Variants in CCDC85C observed in about 807,000 individuals in gnomAD.
The protein encoded by CCDC85C is coiled-coil domain containing 85C, also known as coiled-coil domain-containing protein 85C.
In CCDC85C, 18 loss-of-function variants were observed where a neutral mutation model predicts 38.3. That is an observed-to-expected ratio of 0.47 (90% CI 0.33 to 0.70). The LOEUF is 0.70. CCDC85C is among the 30% of genes least tolerant of loss of function. The pLI, the probability that CCDC85C is intolerant of heterozygous loss-of-function variation, is 0.03. For missense variants in CCDC85C, 566 were observed against 621.2 expected (o/e 0.91, Z 0.94); for synonymous variants, 264 against 293.8 (o/e 0.90, Z 1.04).
intron 3 of CCDC85C, among the ~76,000 whole-genome samples, chr14:99,517,931 G>A (rs1897251036): frequency 6.6e-6 from 1 of 152,200 alleles, no homozygotes; most frequent in Non-Finnish European, 1.5e-5. Flanking sequence ...GGCTTGGGAG[G>A]AACTTACAAG....
chr14:99,534,965 G>C (rs542515525), intron 2 of CCDC85C: 1 of 527,110 alleles, frequency 1.9e-6, no homozygotes, highest in East Asian at 3.3e-5. Context: ...AATGAGGAAC[G>C]TGCACTCTGC....
chr14:99,531,591 G>C (rs1316044951), intron 2 of CCDC85C, among the ~76,000 whole-genome samples: 3 of 124,158 alleles, frequency 2.4e-5, no homozygotes, highest in Non-Finnish European at 5.0e-5. Flanking sequence ...GGTGGGGGGG[G>C]GGGTGGGACC....
Position 99,597,134 on chromosome 14 carries a change from C to T in CCDC85C, c.793+6033G>A, listed in dbSNP as rs1046797666. On this transcript the variant is annotated intron_variant, in intron 1 of 5. Coordinates refer to ENST00000380243, the MANE Select transcript of CCDC85C (RefSeq NM_001144995.2). ...CCTCAGCTTCCACCCACTGCTCCCC[C>T]AGCCCAGCCCACACCACAGTGGTCA... is the stretch of plus-strand genomic sequence containing the variant. Among the ~76,000 whole-genome samples, 3 of 152,142 alleles carry T rather than the reference C, an allele frequency of 2.0e-5. No individual in the cohort carries two copies. The South Asian group carries it at 6.2e-4, about 31-fold the overall frequency.
rs61178615 is a variant in CCDC85C at position 99,560,792 on chromosome 14, G to A, written c.794-24704C>T. The stretch of plus-strand genomic sequence containing the variant: ...GAGTCGCAGAACACCAAGCGAGCAG[G>A]TTTGTTCATCAACAGCCACAGACCA... On this transcript the variant is annotated intron_variant, in intron 1 of 5. Coordinates refer to ENST00000380243, the MANE Select transcript of CCDC85C (RefSeq NM_001144995.2). Among the ~76,000 whole-genome samples, 835 of 152,356 alleles carry A rather than the reference G, an allele frequency of 5.5e-3. 11 individuals are homozygous for A. The highest frequency in any genetic ancestry group is 0.019 in the African/African-American group (794 of 41,596).
chr14:99,518,793 G>T (rs1897264937), intron 3 of CCDC85C, among the ~76,000 whole-genome samples: 1 of 152,222 alleles, frequency 6.6e-6, no homozygotes, highest in African/African-American at 2.4e-5. Flanking sequence ...ACAGGCAGGA[G>T]GGAAGCCAGG....
At chr14:99,561,793 G>A (rs958149897) in intron 1 of CCDC85C, among the ~76,000 whole-genome samples, 2 of 152,204 alleles carry the variant, frequency 1.3e-5, no homozygotes, top group African/African-American at 4.8e-5. Context: ...GAGGAGGGAT[G>A]CCAGGTGGGA....
Position 99,520,696 on chromosome 14 carries a change from G to A in CCDC85C, c.975+1437C>T, listed in dbSNP as rs1453860858. Among the ~76,000 whole-genome samples the A allele has an allele frequency of 2.0e-5, 3 of 152,046 alleles. No individual in the cohort carries two copies. Among genetic ancestry groups the A allele is most frequent in the Admixed American group, 6.5e-5 (1 of 15,270 alleles). On this transcript the variant is annotated intron_variant, in intron 3 of 5. Transcript: ENST00000380243. The surrounding 1 kb of genome is among the most constrained non-coding windows in gnomAD (Gnocchi z 4.1). ...GGAGCGACCCCTGCACAGCCCCCAC[G>A]CTGGCCCCTGACCTCTAGGCACACA...
intron 1 of CCDC85C, among the ~76,000 whole-genome samples, chr14:99,539,513 C>A (rs1006662576): frequency 4.0e-5 from 6 of 150,420 alleles, no homozygotes; most frequent in Non-Finnish European, 7.4e-5. Context: ...ATGAAGAAAG[C>A]AGACAGAGTG....
chr14:99,549,395 A>C (rs74084065), intron 1 of CCDC85C, among the ~76,000 whole-genome samples: 4,319 of 152,290 alleles, frequency 0.028, 203 homozygotes, highest in African/African-American at 0.097. Context: ...GTAGCCCAAC[A>C]GCAGCAGTTG....
Position 99,517,622 on chromosome 14 carries a change from C to T in CCDC85C, c.976-439G>A, listed in dbSNP as rs551559874. On this transcript the variant is annotated intron_variant, in intron 3 of 5. Coordinates refer to ENST00000380243, the MANE Select transcript of CCDC85C (RefSeq NM_001144995.2). ...CTTCCCCTGCCCACCCTGGAGCCAC[C>T]GGTGGGCGAGGCCGGCTTCGCCCTG... Among the ~76,000 whole-genome samples the T allele has an allele frequency of 1.4e-4, 22 of 152,278 alleles. No homozygotes were observed. In the East Asian group the frequency reaches 1.9e-3, roughly 13 times the overall value.
chr14:99,574,877 C>T (rs1412547918), intron 1 of CCDC85C, among the ~76,000 whole-genome samples: 1 of 152,176 alleles, frequency 6.6e-6, no homozygotes, highest in African/African-American at 2.4e-5. Flanking sequence ...CAGATCCCCA[C>T]CCAGGGACAG....
At chr14:99,577,658 C>T (rs776951564) in intron 1 of CCDC85C, among the ~76,000 whole-genome samples, 2 of 151,872 alleles carry the variant, frequency 1.3e-5, no homozygotes, top group Non-Finnish European at 2.9e-5. Flanking sequence ...GCCCATACAG[C>T]CCGTCCTGCA....
chr14:99,578,476 G>A (rs2054926847), intron 1 of CCDC85C, among the ~76,000 whole-genome samples: 1 of 152,106 alleles, frequency 6.6e-6, no homozygotes, highest in Non-Finnish European at 1.5e-5. Context: ...TGGTAGTGAT[G>A]TGGTTGCTTA....
chr14:99,573,238 T>C (rs1898395948), intron 1 of CCDC85C, among the ~76,000 whole-genome samples: 1 of 152,078 alleles, frequency 6.6e-6, no homozygotes, highest in Non-Finnish European at 1.5e-5. Context: ...CTCCAGGTGC[T>C]CCCTGCAGGG....
At position 99,603,264 on chromosome 14, in the gene CCDC85C, C is replaced by A; in HGVS notation, c.696G>T (p.Pro232=). 1 of 1,387,504 alleles carries A rather than the reference C, an allele frequency of 7.2e-7. No homozygotes were observed. The highest frequency in any genetic ancestry group is 9.3e-7 in the Non-Finnish European group (1 of 1,077,138). 85.9% of individuals were successfully genotyped at this position (1,387,504 alleles called of 1,614,324 possible). A position where few individuals can be genotyped will look rare whatever the true frequency, so the allele number is the denominator to read the frequency against. The part of the protein sequence containing the change: ...HVPPPLLPPG[P]HKAPDGKAGA... Reference sequence around the variant, plus strand: ...CTGCCTTGCCGTCGGGGGCCTTGTGCGGCCCGGGGGGCAGCAGCGGGGGTG... The same window carrying A: ...CTGCCTTGCCGTCGGGGGCCTTGTGAGGCCCGGGGGGCAGCAGCGGGGGTG... The change falls in exon 1 of 6, where the codon CCG becomes CCT. Residue 232 remains proline, a synonymous_variant. Transcript: ENST00000380243. This position sits in a 1 kb window ranked among gnomAD's most constrained non-coding sequence, Gnocchi z 7.5.
In CCDC85C at chr14:99,575,360, T is replaced by G. The variant is rs891887090; in HGVS notation, c.793+27807A>C. On this transcript the variant is annotated intron_variant, in intron 1 of 5. Transcript: ENST00000380243. ...TGCCGCCAGGGCCTCAGCCGCCTACTGTCTACCATCCAGAGCTCAGCTGGC... is the reference window on the plus strand; with the variant it reads ...TGCCGCCAGGGCCTCAGCCGCCTACGGTCTACCATCCAGAGCTCAGCTGGC... Among the ~76,000 whole-genome samples, 5 of 152,314 alleles carry G rather than the reference T, an allele frequency of 3.3e-5. 1 individual carries two copies. Among genetic ancestry groups the G allele is most frequent in the African/African-American group, 1.2e-4 (5 of 41,566 alleles).
chr14:99,536,203 C>A, intron 1 of CCDC85C, 115 bp from the exon 2 acceptor site: 1 of 750,028 alleles, frequency 1.3e-6, no homozygotes. Flanking sequence ...GGAGTCCCAC[C>A]CCACAGCCAG....
chr14:99,504,302 C>G lies in CCDC85C; in HGVS notation c.*10944G>C, dbSNP rs1896917317. 6.4e-6 allele frequency: 1 copy of G among 155,780 alleles called. No individual in the cohort carries two copies. The highest frequency in any genetic ancestry group is 6.5e-5 in the Admixed American group (1 of 15,322). 9.6% of individuals were successfully genotyped at this position (155,780 alleles called of 1,614,324 possible). A position where few individuals can be genotyped will look rare whatever the true frequency, so the allele number is the denominator to read the frequency against. ...ATTTGTCTTTCTTTGTTACTTGGTT[C>G]TTAGTTCCAGTAGTTCCTGGTTCTT... On this transcript the variant is annotated 3_prime_UTR_variant, in exon 6 of 6. Transcript: ENST00000380243.
intron 1 of CCDC85C, among the ~76,000 whole-genome samples, chr14:99,598,162 G>C (rs762778129): frequency 2.0e-5 from 3 of 152,160 alleles, no homozygotes; most frequent in Non-Finnish European, 4.4e-5. Context: ...GAGGCTACAC[G>C]TATCACTCAC....
Sources: allele counts gnomAD v4.1 joint callset (sites outside exome capture counted in the v4.1 genomes callset), GRCh38; gene constraint gnomAD v4.1.1; non-coding constraint Gnocchi (gnomAD v3.1); transcripts MANE v1.5; gene names NCBI Gene and HGNC (gene_info 2026-07-23, HGNC 2026-07-21).